NINL: variants seen among roughly 807,000 people sequenced by gnomAD.
NINL encodes ninein-like protein.
In NINL, 153 loss-of-function variants were observed where a neutral mutation model predicts 160.3. The observed-to-expected ratio is 0.95, with a 90% CI of 0.84 to 1.09. NINL has a LOEUF of 1.09. Among genes scored for constraint, NINL ranks in the 50% least tolerant of loss-of-function variants. The pLI, the probability that NINL is intolerant of heterozygous loss-of-function variation, is 0.00. For missense variants in NINL, 1,829 were observed against 1,764.0 expected, an observed-to-expected ratio of 1.04 and a Z score of -0.66; for synonymous variants, 800 against 734.8, an observed-to-expected ratio of 1.09 and a Z score of -1.43.
At chr20:25,477,169 G>A in intron 16 of NINL, 80 bp from the exon 17 acceptor site, 1 of 1,330,490 alleles carries the variant, frequency 7.5e-7, no homozygotes, top group Non-Finnish European at 1.0e-6. Context: ...CCCAGCTGTT[G>A]CAACGGCTGC....
At chr20:25,551,347 G>A (rs1802137211) in intron 1 of NINL, among the ~76,000 whole-genome samples, 1 of 151,686 alleles carries the variant, frequency 6.6e-6, no homozygotes, top group African/African-American at 2.4e-5. Flanking sequence ...TCCAGCCTGG[G>A]CAACAAGGGC....
At chr20:25,491,753 C>T (rs931086314) in intron 10 of NINL, among the ~76,000 whole-genome samples, 7 of 152,354 alleles carry the variant, frequency 4.6e-5, no homozygotes, top group South Asian at 4.1e-4. Context: ...TGGTGGGTCA[C>T]ATGGCAAATG....
At chr20:25,545,254 G>A (rs528046351) in intron 1 of NINL, among the ~76,000 whole-genome samples, 5 of 152,222 alleles carry the variant, frequency 3.3e-5, no homozygotes, top group African/African-American at 7.2e-5. Flanking sequence ...AACATTTGAA[G>A]AGGAGTAGGG....
intron 10 of NINL, among the ~76,000 whole-genome samples, chr20:25,492,067 G>C (rs1169018335): frequency 1.3e-5 from 2 of 152,148 alleles, no homozygotes; most frequent in Non-Finnish European, 2.9e-5. Context: ...ATCTCTTTCT[G>C]AAACAGCAGC....
At chr20:25,523,217 A>AAT (rs1359781029) in intron 2 of NINL, among the ~76,000 whole-genome samples, 4 of 149,580 alleles carry the variant, frequency 2.7e-5, no homozygotes, top group South Asian at 2.1e-4. Context: ...TCTTTTTCTG[A>AAT]ATATATATAT....
intron 1 of NINL, among the ~76,000 whole-genome samples, chr20:25,573,802 G>A (rs1247178001): frequency 1.3e-5 from 2 of 152,232 alleles, no homozygotes; most frequent in East Asian, 3.8e-4. Flanking sequence ...CCATTTCTAA[G>A]TCTGACACAC....
At chr20:25,517,629 T>TG (rs980431387) in intron 3 of NINL, 124 bp downstream of exon 3, 1 of 703,490 alleles carries the variant, frequency 1.4e-6, no homozygotes, top group Non-Finnish European at 2.4e-6. Context: ...CCATATACCT[T>TG]GGGGGTGACA....
chr20:25,551,484 G>C (rs1357133376), intron 1 of NINL, among the ~76,000 whole-genome samples: 1 of 152,170 alleles, frequency 6.6e-6, no homozygotes, highest in Non-Finnish European at 1.5e-5. Context: ...GGTCACTGAG[G>C]CAAGTGTCTC....
Position 25,504,243 on chromosome 20 carries a change from T to C in NINL, c.709-139A>G, listed in dbSNP as rs1012055663. 2.0e-5 allele frequency: 17 copies of C among 844,194 alleles called. No individual in the cohort carries two copies. In the African/African-American group the frequency reaches 2.7e-4, roughly 13 times the overall value. The allele number at this position is 844,194 out of a possible 1,614,324, so 52.3% of individuals were successfully genotyped here. On this transcript the variant is annotated intron_variant, in intron 6 of 23. Coordinates refer to ENST00000278886, the MANE Select transcript of NINL (RefSeq NM_025176.6). ...TCCTAGTCTTATCCAGCCTTAAAAC[T>C]GTGTAGACCATGCGGGCTATATTTT...
chr20:25,493,307 C>T lies in NINL; in HGVS notation c.1311-1782G>A, dbSNP rs2063678897. 3.3e-5 allele frequency among the ~76,000 whole-genome samples: 5 copies of T among 152,122 alleles called. No homozygotes were observed. In the South Asian group the frequency reaches 6.2e-4, roughly 19 times the overall value. On this transcript the variant is annotated intron_variant, in intron 10 of 23. Transcript: ENST00000278886. ...GAGGCTGTGCTCGGGAGAACGAAGT[C>T]GCTGGAGGTCAGAACCCAGCCCCTC...
chr20:25,555,570 C>T (rs960591197), intron 1 of NINL, among the ~76,000 whole-genome samples: 5 of 152,148 alleles, frequency 3.3e-5, no homozygotes, highest in African/African-American at 4.8e-5. Flanking sequence ...ATTCAGAACA[C>T]GAAAGACACA....
rs1032005267 is a variant in NINL at position 25,512,740 on chromosome 20, A to T, written c.450+94T>A. ...GCCTGAGACGGTGGCTGCCCTCCCC[A>T]TATCTTGTGATTATGTGCTACAAAA... On this transcript the variant is annotated intron_variant, in intron 4 of 23. Transcript: ENST00000278886. 15 of 1,455,096 alleles carry T rather than the reference A, an allele frequency of 1.0e-5. No individual in the cohort carries two copies. The African/African-American group carries it at 2.1e-4, about 21-fold the overall frequency. The allele number at this position is 1,455,096 out of a possible 1,614,324, so 90.1% of individuals were successfully genotyped here.
intron 11 of NINL, among the ~76,000 whole-genome samples, chr20:25,490,455 G>C (rs535218521): frequency 6.6e-6 from 1 of 151,634 alleles, no homozygotes; most frequent in Non-Finnish European, 1.5e-5. Context: ...AGCTACTCAG[G>C]AGGCTGAGGC....
In NINL at chr20:25,462,152, A is replaced by T. The variant is rs572365684; in HGVS notation, c.3582+231T>A. Among the ~76,000 whole-genome samples the T allele has an allele frequency of 2.0e-5, 3 of 152,174 alleles. No homozygotes were observed. The South Asian group carries it at 6.2e-4, about 32-fold the overall frequency. ...TATTTTGCCAAACTGCCCTCGGGGA[A>T]CTTTGTACCAATTCACTCCTCTGTC... On this transcript the variant is annotated intron_variant, in intron 20 of 23. Coordinates refer to ENST00000278886, the MANE Select transcript of NINL (RefSeq NM_025176.6).
At chr20:25,473,168 T>A (rs1241728607) in intron 17 of NINL, among the ~76,000 whole-genome samples, 1 of 152,218 alleles carries the variant, frequency 6.6e-6, no homozygotes, top group Non-Finnish European at 1.5e-5. Context: ...ACTGAATCTA[T>A]GCTGTAAGAA....
intron 1 of NINL, among the ~76,000 whole-genome samples, chr20:25,543,336 G>A (rs2064692938): frequency 6.6e-6 from 1 of 152,132 alleles, no homozygotes; most frequent in Non-Finnish European, 1.5e-5. Flanking sequence ...GACAGCTTGA[G>A]CTCTGGAGGT....
At chr20:25,569,579 G>A (rs1470108492) in intron 1 of NINL, among the ~76,000 whole-genome samples, 1 of 152,206 alleles carries the variant, frequency 6.6e-6, no homozygotes, top group Non-Finnish European at 1.5e-5. Flanking sequence ...GCGATGAATG[G>A]AAGTGGGCAG....
intron 1 of NINL, among the ~76,000 whole-genome samples, chr20:25,555,862 A>G (rs180839654): frequency 6.6e-6 from 1 of 152,230 alleles, no homozygotes; most frequent in African/African-American, 2.4e-5. Flanking sequence ...TTTAGTAGAG[A>G]CAGGGTTTCA....
rs775433587 is a variant in NINL, at chr20:25,476,206, C to T, written c.3085G>A (p.Ala1029Thr). 9 of 1,614,056 alleles carry T rather than the reference C, an allele frequency of 5.6e-6. No homozygotes were observed. The highest frequency in any genetic ancestry group is 7.6e-6 in the Non-Finnish European group (9 of 1,180,036). The change falls in exon 17 of 24, where the codon GCA becomes ACA. Residue 1029 changes from alanine to threonine, a missense_variant. Coordinates refer to ENST00000278886, the MANE Select transcript of NINL (RefSeq NM_025176.6). Reference sequence around the variant, plus strand: ...TCCTGCCAGGAACCCTGCGGGTCTGCGAGCTGGAGGTGGGATGGCAAGGAC... The same window carrying T: ...TCCTGCCAGGAACCCTGCGGGTCTGTGAGCTGGAGGTGGGATGGCAAGGAC... Reference protein sequence around the residue: ...RGSLPSHLQLADPQGSWQEQL... With the variant: ...RGSLPSHLQLTDPQGSWQEQL...
Sources: gnomAD v4.1 joint callset for allele counts (sites outside exome capture counted in the v4.1 genomes callset) on GRCh38, gnomAD v4.1.1 for gene constraint, MANE v1.5 for transcripts, NCBI Gene and HGNC (gene_info 2026-07-23, HGNC 2026-07-21) for gene names.